Variants in QPCT observed in about 807,000 individuals in gnomAD.
The protein encoded by QPCT is EC.
In QPCT, 44 loss-of-function variants were observed where a neutral mutation model predicts 43.4. The observed-to-expected ratio is 1.01, with a 90% CI of 0.80 to 1.30. The LOEUF is 1.30. Among genes scored for constraint, QPCT ranks in the 50% most tolerant of loss-of-function variants. The pLI is 0.00. For missense variants in QPCT, 526 were observed against 436.5 expected, an observed-to-expected ratio of 1.21 and a Z score of -1.83; for synonymous variants, 168 against 168.4, an observed-to-expected ratio of 1.00 and a Z score of 0.02.
chr2:37,350,304 C>T (rs1048452666), intron 1 of QPCT, among the ~76,000 whole-genome samples: 4 of 152,164 alleles, frequency 2.6e-5, no homozygotes, highest in African/African-American at 9.7e-5. Flanking sequence ...TAATAATTAA[C>T]CATGGAAGTC....
Position 37,367,397 on chromosome 2 carries a change from C to T in QPCT, c.712C>T (p.Leu238=). 6.2e-7 allele frequency: 1 copy of T among 1,613,570 alleles called. No homozygotes were observed. Among genetic ancestry groups the T allele is most frequent in the South Asian group, 1.1e-5 (1 of 91,026 alleles). The change falls in exon 4 of 7, where the codon CTG becomes TTG. Residue 238 remains leucine (L), a synonymous_variant. Coordinates refer to ENST00000338415, the MANE Select transcript of QPCT (RefSeq NM_012413.4). ...ACCTGGAGCGAGAGGCACCAGCCAA[C>T]TGCATGGCATGGTTAGTCTGGGCAA... ...HPPGARGTSQ[L]HGMDLLVLLD...
chr2:37,367,015 G>T (rs76014063), intron 3 of QPCT: 11,071 of 509,362 alleles, frequency 0.022, 191 homozygotes, highest in Middle Eastern at 0.034. Flanking sequence ...TTTTCAGAGG[G>T]AATGGAAGAA....
intron 1 of QPCT, among the ~76,000 whole-genome samples, chr2:37,347,231 C>CATATATATATAACATATATATATATAT (rs764663825): frequency 2.7e-4 from 15 of 55,622 alleles, no homozygotes; most frequent in African/African-American, 4.4e-4. Flanking sequence ...ATATATATAA[C>CATATATATATAACATATATATATATAT]ATATATATAT....
chr2:37,356,619 T>C (rs766189301), intron 2 of QPCT, among the ~76,000 whole-genome samples: 14 of 152,214 alleles, frequency 9.2e-5, no homozygotes, highest in Non-Finnish European at 1.9e-4. Flanking sequence ...ACAAGGGATA[T>C]TGGTGAACTA....
chr2:37,353,042 TCTC>T (rs1672656638), intron 2 of QPCT, 107 bp downstream of exon 2: 22 of 1,295,138 alleles, frequency 1.7e-5, no homozygotes, highest in Non-Finnish European at 2.2e-5. Flanking sequence ...AGATCTGTCA[TCTC>T]CTCATTCACC....
At position 37,372,735 on chromosome 2, in the gene QPCT, A is replaced by G. The variant is rs761665807; in HGVS notation, c.994A>G (p.Met332Val). ...TCCTTTCCCTGAAGTCTGGCACACC[A>G]TGGATGACAATGAAGAAAATTTGGA... Reference protein sequence around the residue: ...PSPFPEVWHTMDDNEENLDES... With the variant: ...PSPFPEVWHTVDDNEENLDES... The change falls in exon 7 of 7, where the codon ATG (methionine) becomes GTG (valine). Residue 332 changes from methionine to valine, a missense_variant. Met to Val is a conservative substitution (Grantham distance 21). Coordinates refer to ENST00000338415, the MANE Select transcript of QPCT (RefSeq NM_012413.4). 20 of 1,613,524 alleles carry G rather than the reference A, an allele frequency of 1.2e-5. No individual in the cohort carries two copies. Among genetic ancestry groups the G allele is most frequent in the Non-Finnish European group, 1.5e-5 (18 of 1,179,632 alleles).
intron 1 of QPCT, among the ~76,000 whole-genome samples, chr2:37,349,318 C>T (rs528821854): frequency 6.6e-6 from 1 of 152,308 alleles, no homozygotes; most frequent in South Asian, 2.1e-4. Context: ...ATAGGCCTGG[C>T]CTGTCTGCTG....
At chr2:37,359,145 T>G (rs1267145271) in intron 2 of QPCT, among the ~76,000 whole-genome samples, 1 of 152,190 alleles carries the variant, frequency 6.6e-6, no homozygotes, top group Non-Finnish European at 1.5e-5. Flanking sequence ...ATGTCCATAA[T>G]ATATTGTTAA....
At chr2:37,369,322 CAG>C (rs1673026078) in intron 4 of QPCT, among the ~76,000 whole-genome samples, 1 of 152,196 alleles carries the variant, frequency 6.6e-6, no homozygotes, top group African/African-American at 2.4e-5. Flanking sequence ...AATGGCTAAA[CAG>C]AGTGGATTAG....
chr2:37,368,781 T>C (rs1402157863), intron 4 of QPCT: 2 of 434,362 alleles, frequency 4.6e-6, no homozygotes, highest in Non-Finnish European at 9.5e-6. Context: ...AGTCCAAATA[T>C]ATGAAGCCAC....
At chr2:37,346,458 G>A (rs1672490809) in intron 1 of QPCT, among the ~76,000 whole-genome samples, 1 of 152,132 alleles carries the variant, frequency 6.6e-6, no homozygotes, top group Non-Finnish European at 1.5e-5. Flanking sequence ...ACATCTAAAT[G>A]GAAGGGAATA....
chr2:37,348,064 G>T (rs575975866), intron 1 of QPCT, among the ~76,000 whole-genome samples: 12,267 of 47,926 alleles, frequency 0.26, 1,700 homozygotes, highest in African/African-American at 0.5. Context: ...GCGCGCACGC[G>T]TGTGTGTGTG....
At chr2:37,366,344 T>C in intron 3 of QPCT, among the ~76,000 whole-genome samples, 1 of 152,182 alleles carries the variant, frequency 6.6e-6, no homozygotes, top group East Asian at 1.9e-4. Context: ...GGATTTTGCT[T>C]CTCATTCTAT....
At chr2:37,361,937 T>C (rs1363517013) in intron 3 of QPCT, among the ~76,000 whole-genome samples, 1 of 152,244 alleles carries the variant, frequency 6.6e-6, no homozygotes, top group African/African-American at 2.4e-5. Flanking sequence ...TCCAAGGTAC[T>C]AGGCTGAGTT....
rs1270429398 is a variant in QPCT, at chr2:37,372,939, G to C, written c.*112G>C. ...GCTGTGTGGAAACATCTATCCTATA[G>C]ATCATCCTATTCTTATGTGTCTTTG... On this transcript the variant is annotated 3_prime_UTR_variant, in exon 7 of 7. Transcript: ENST00000338415. 2.2e-5 allele frequency: 20 copies of C among 912,480 alleles called. No homozygotes were observed. The highest frequency in any genetic ancestry group is 2.7e-5 in the Non-Finnish European group (17 of 624,482). 56.5% of individuals were successfully genotyped at this position (912,480 alleles called of 1,614,324 possible). A position where few individuals can be genotyped will look rare whatever the true frequency, so the allele number is the denominator to read the frequency against.
intron 1 of QPCT, among the ~76,000 whole-genome samples, chr2:37,348,061 C>CGTGT (rs1491169129): frequency 2.7e-5 from 3 of 111,002 alleles, no homozygotes; most frequent in African/African-American, 6.1e-5. Flanking sequence ...TGCGCGCGCA[C>CGTGT]GCGTGTGTGT....
intron 4 of QPCT, 131 bp downstream of exon 4, chr2:37,367,539 T>G (rs908931560): frequency 1.1e-6 from 1 of 922,902 alleles, no homozygotes; most frequent in Non-Finnish European, 1.6e-6. Flanking sequence ...AGAACATTCC[T>G]TGGCAGGCAT....
chr2:37,350,931 G>A (rs1051715475), intron 1 of QPCT, among the ~76,000 whole-genome samples: 1 of 152,200 alleles, frequency 6.6e-6, no homozygotes, highest in African/African-American at 2.4e-5. Context: ...CCTTAATGAG[G>A]TTTAGTAACC....
intron 2 of QPCT, 45 bp from the exon 3 acceptor site, chr2:37,359,535 G>C: frequency 6.5e-7 from 1 of 1,545,408 alleles, no homozygotes; most frequent in Non-Finnish European, 8.8e-7. Context: ...ACAAATGAAA[G>C]CCATTTCTTT....
Sources: gnomAD v4.1 joint callset for allele counts (sites outside exome capture counted in the v4.1 genomes callset) on GRCh38, gnomAD v4.1.1 for gene constraint, MANE v1.5 for transcripts, NCBI Gene and HGNC (gene_info 2026-07-23, HGNC 2026-07-21) for gene names.